Variants in SLC22A8 observed in about 807,000 individuals in gnomAD.
The protein encoded by SLC22A8 is organic anion transporter 3.
SLC22A8 carries 40 observed loss-of-function variants against 48.4 expected under a neutral mutation model. That is an observed-to-expected ratio of 0.83 (90% CI 0.64 to 1.08). The LOEUF is 1.08. Among genes scored for constraint, SLC22A8 ranks in the 50% least tolerant of loss-of-function variants. The pLI is 0.00. For synonymous variants in SLC22A8, 268 were observed against 286.3 expected (o/e 0.94, Z 0.65); for missense variants, 606 against 699.0 (o/e 0.87, Z 1.50).
At chr11:63,014,449 A>G (rs4149181) in intron 2 of SLC22A8, 177 bp downstream of exon 2, 61,698 of 528,350 alleles carry the variant, frequency 0.12, 8,906 homozygotes, top group African/African-American at 0.52. Context: ...CTGAGTGGGA[A>G]GAAGCCAAGG....
intron 8 of SLC22A8, 38 bp downstream of exon 8, chr11:62,994,504 C>G (rs1422454701): frequency 1.3e-6 from 2 of 1,521,958 alleles, no homozygotes; most frequent in Non-Finnish European, 1.8e-6. Flanking sequence ...ACCTGGCAGC[C>G]TCTTCCAGAG....
At chr11:62,994,417 C>T (rs2086383568) in intron 8 of SLC22A8, 125 bp downstream of exon 8, 3 of 681,852 alleles carry the variant, frequency 4.4e-6, no homozygotes, top group South Asian at 1.8e-5. Context: ...GACCCTGAGC[C>T]CCAGAGAGTG....
chr11:63,015,614 G>A (rs375187705), intron 1 of SLC22A8, 115 bp downstream of exon 1: 4 of 152,356 alleles, frequency 2.6e-5, no homozygotes, highest in South Asian at 4.1e-4. Flanking sequence ...GTAAGAGCCC[G>A]AAGCAGGTCT....
At chr11:63,001,583 G>A (rs549376371) in intron 2 of SLC22A8, among the ~76,000 whole-genome samples, 3 of 152,312 alleles carry the variant, frequency 2.0e-5, no homozygotes, top group Admixed American at 6.5e-5. Flanking sequence ...GCTTCCTGCT[G>A]TTCTGCACTC....
At chr11:62,999,887 C>A in intron 3 of SLC22A8, 45 bp from the exon 4 acceptor site, 2 of 1,422,428 alleles carry the variant, frequency 1.4e-6, no homozygotes, top group South Asian at 1.6e-5. Context: ...CACAGTGTGC[C>A]TGCCAAGAGG....
chr11:62,999,205 G>T, intron 4 of SLC22A8, 116 bp from the exon 5 acceptor site: 1 of 875,684 alleles, frequency 1.1e-6, no homozygotes, highest in Non-Finnish European at 1.8e-6. Flanking sequence ...CACGGATGCT[G>T]TTGATATCGC....
intron 5 of SLC22A8, 60 bp from the exon 6 acceptor site, chr11:62,996,212 T>C: frequency 6.6e-7 from 1 of 1,517,226 alleles, no homozygotes; most frequent in Non-Finnish European, 8.9e-7. Flanking sequence ...TTTGAGAGGC[T>C]GGAAGAACAT....
chr11:62,993,221 G>C lies in SLC22A8; in HGVS notation c.*16C>G. 1 of 1,600,066 alleles carries C rather than the reference G, an allele frequency of 6.2e-7. No individual in the cohort carries two copies. The highest frequency in any genetic ancestry group is 1.1e-5 in the South Asian group (1 of 89,982). On this transcript the variant is annotated 3_prime_UTR_variant, in exon 11 of 11. Transcript: ENST00000336232. The stretch of plus-strand genomic sequence containing the variant: ...GATCAGTCTCTGGAGGGCAGGGAAA[G>C]GGGGTTCCGTTGTCCTCAGCTGGAG...
intron 8 of SLC22A8, chr11:62,994,178 TA>T (rs2086380304): frequency 5.8e-6 from 3 of 521,318 alleles, no homozygotes; most frequent in Non-Finnish European, 1.0e-5. Context: ...AAAATAAACG[TA>T]GCTTTTCCAA....
At chr11:63,009,722 G>C (rs557735098) in intron 2 of SLC22A8, among the ~76,000 whole-genome samples, 21 of 152,286 alleles carry the variant, frequency 1.4e-4, no homozygotes, top group Admixed American at 1.0e-3. Flanking sequence ...GGATCAGAAG[G>C]GGGAGGGAGA....
At chr11:62,993,375 C>T (rs1321555920) in intron 10 of SLC22A8, 39 bp from the exon 11 acceptor site, 1 of 1,612,856 alleles carries the variant, frequency 6.2e-7, no homozygotes, top group Non-Finnish European at 8.5e-7. Flanking sequence ...TGGGCCCAGA[C>T]CTGCTTCCCC....
At position 62,993,536 on chromosome 11, in the gene SLC22A8, T is replaced by G; in HGVS notation, c.1417A>C (p.Ile473Leu). ...VKITGEVQPF[I>L]PNIIYGITAL... ...GTGATCCCGTAGATGATATTGGGGA[T>G]GAAGGGCTGTACCTCACCCGTGATT... The change falls in exon 10 of 11, where the codon ATC becomes CTC. Residue 473 changes from isoleucine to leucine, a missense_variant. Physicochemically the swap from Ile to Leu is conservative, Grantham distance 5. Coordinates refer to ENST00000336232, the MANE Select transcript of SLC22A8 (RefSeq NM_004254.4). 6.2e-7 allele frequency: 1 copy of G among 1,614,146 alleles called. No homozygotes were observed.
intron 5 of SLC22A8, among the ~76,000 whole-genome samples, chr11:62,998,220 A>T (rs1431721971): frequency 6.6e-6 from 1 of 151,958 alleles, no homozygotes; most frequent in African/African-American, 2.4e-5. Flanking sequence ...CCAAAGTGCT[A>T]GGATTACAGG....
At chr11:63,001,061 C>G in intron 2 of SLC22A8, 1 of 486,412 alleles carries the variant, frequency 2.1e-6, no homozygotes, top group Non-Finnish European at 3.8e-6. Context: ...CTCTCAAAGT[C>G]CACTCAGCTA....
At chr11:63,006,178 G>A (rs1216675428) in intron 2 of SLC22A8, among the ~76,000 whole-genome samples, 5 of 152,138 alleles carry the variant, frequency 3.3e-5, no homozygotes, top group African/African-American at 1.2e-4. Context: ...AGTGTGACTT[G>A]TGTTTCCCTT....
intron 4 of SLC22A8, 108 bp from the exon 5 acceptor site, chr11:62,999,197 C>A: frequency 6.2e-6 from 6 of 963,520 alleles, no homozygotes; most frequent in Non-Finnish European, 9.6e-6. Context: ...ATCCTCCCCA[C>A]GGATGCTGTT....
chr11:63,002,448 G>A (rs1486779318), intron 2 of SLC22A8, among the ~76,000 whole-genome samples: 3 of 152,100 alleles, frequency 2.0e-5, no homozygotes, highest in Non-Finnish European at 4.4e-5. Flanking sequence ...TAGCCATCAT[G>A]CTGTGAAACA....
chr11:63,006,595 GTTT>G (rs58058368), intron 2 of SLC22A8, among the ~76,000 whole-genome samples: 20 of 51,416 alleles, frequency 3.9e-4, no homozygotes, highest in Admixed American at 9.7e-4. Context: ...TCTCATTTGA[GTTT>G]TTTTTTTTTT....
Position 63,001,927 on chromosome 11 carries a change from A to T in SLC22A8, c.334-1104T>A, listed in dbSNP as rs994334068. Among the ~76,000 whole-genome samples the T allele has an allele frequency of 4.6e-5, 7 of 152,056 alleles. No individual in the cohort carries two copies. The South Asian group carries it at 6.2e-4, about 13-fold the overall frequency. On this transcript the variant is annotated intron_variant, in intron 2 of 10. Coordinates refer to ENST00000336232, the MANE Select transcript of SLC22A8 (RefSeq NM_004254.4). ...TCTCTTTTTAATTAATTAATTAATT[A>T]AATTAATTTTTTTTTGAGACAGGGT...
Sources: gnomAD v4.1 joint callset for allele counts (sites outside exome capture counted in the v4.1 genomes callset) on GRCh38, gnomAD v4.1.1 for gene constraint, MANE v1.5 for transcripts, NCBI Gene and HGNC (gene_info 2026-07-23, HGNC 2026-07-21) for gene names.